SLC9A9: variants seen among roughly 807,000 people sequenced by gnomAD.
The protein encoded by SLC9A9 is solute carrier family 9 member A9, also known as sodium/hydrogen exchanger 9.
A neutral mutation model predicts 77.8 loss-of-function variants in SLC9A9; 62 were observed. The observed-to-expected ratio is 0.80, with a 90% CI of 0.65 to 0.98. The LOEUF (loss-of-function observed/expected upper bound fraction) is 0.98, where lower values mean the gene tolerates loss of function less well. SLC9A9 is among the 50% of genes least tolerant of loss of function. SLC9A9 has a pLI of 0.00. For missense variants in SLC9A9, 775 were observed against 774.9 expected (o/e 1.00, Z 0.00); for synonymous variants, 320 against 283.5 (o/e 1.13, Z -1.29).
intron 4 of SLC9A9, among the ~76,000 whole-genome samples, chr3:143,709,723 C>T (rs1367383600): frequency 1.3e-5 from 2 of 152,114 alleles, no homozygotes; most frequent in African/African-American, 4.8e-5. Flanking sequence ...TGTTACTGAA[C>T]AGTATGTGAG....
intron 4 of SLC9A9, among the ~76,000 whole-genome samples, chr3:143,768,692 A>G (rs1396563461): frequency 6.6e-6 from 1 of 152,186 alleles, no homozygotes; most frequent in Non-Finnish European, 1.5e-5. Flanking sequence ...AACAAATGAC[A>G]TGGCGTATTA....
At chr3:143,302,142 C>T (rs777867949) in intron 14 of SLC9A9, among the ~76,000 whole-genome samples, 34 of 152,160 alleles carry the variant, frequency 2.2e-4, no homozygotes, top group Non-Finnish European at 4.3e-4. Flanking sequence ...GAATCTTTTG[C>T]AACTCTGGAT....
In SLC9A9 at chr3:143,714,812, G is replaced by T. The variant is rs75132961; in HGVS notation, c.534-21505C>A. On this transcript the variant is annotated intron_variant, in intron 4 of 15. Transcript: ENST00000316549. The stretch of plus-strand genomic sequence containing the variant: ...ACTGGCAAGAGATCAGAGTGGGGAA[G>T]AAGAGTCAGGTTGGGGTATGATATG... Among the ~76,000 whole-genome samples, 1,268 of 152,268 alleles carry T rather than the reference G, an allele frequency of 8.3e-3. 18 individuals are homozygous for T. Among genetic ancestry groups the T allele is most frequent in the African/African-American group, 0.029 (1,221 of 41,564 alleles).
intron 5 of SLC9A9, among the ~76,000 whole-genome samples, chr3:143,692,430 A>T (rs553335587): frequency 6.6e-6 from 1 of 152,288 alleles, no homozygotes; most frequent in African/African-American, 2.4e-5. Context: ...AGAAAATAAT[A>T]TGATTGCTAG....
intron 13 of SLC9A9, among the ~76,000 whole-genome samples, chr3:143,369,920 T>A (rs1025991518): frequency 6.6e-6 from 1 of 152,212 alleles, no homozygotes; most frequent in African/African-American, 2.4e-5. Flanking sequence ...AGGAATTAAG[T>A]ATGCCTGCCA....
At chr3:143,308,194 A>G (rs566300867) in intron 14 of SLC9A9, among the ~76,000 whole-genome samples, 110 of 152,300 alleles carry the variant, frequency 7.2e-4, no homozygotes, top group African/African-American at 2.6e-3. Flanking sequence ...CTAGGCCTCT[A>G]TTGACACGTA....
chr3:143,271,879 GTC>G (rs1937909481), intron 14 of SLC9A9, among the ~76,000 whole-genome samples: 2 of 152,196 alleles, frequency 1.3e-5, no homozygotes, highest in African/African-American at 4.8e-5. Context: ...GTGGAGCTGA[GTC>G]TGTTCTTCAG....
At chr3:143,721,165 G>T (rs749925021) in intron 4 of SLC9A9, among the ~76,000 whole-genome samples, 1 of 152,094 alleles carries the variant, frequency 6.6e-6, no homozygotes, top group Non-Finnish European at 1.5e-5. Flanking sequence ...CTGCAGTGAG[G>T]CGTGGGCAAC....
intron 14 of SLC9A9, among the ~76,000 whole-genome samples, chr3:143,275,175 C>T (rs1408479604): frequency 1.3e-5 from 2 of 152,170 alleles, no homozygotes; most frequent in Non-Finnish European, 2.9e-5. Flanking sequence ...TTGGCTTATA[C>T]TTTGAGCACA....
intron 6 of SLC9A9, among the ~76,000 whole-genome samples, chr3:143,598,971 G>A (rs563388796): frequency 2.0e-5 from 3 of 152,178 alleles, no homozygotes; most frequent in Non-Finnish European, 4.4e-5. Flanking sequence ...TGCTAGCCAA[G>A]CCAGATGCTG....
At chr3:143,715,654 G>A (rs1934324228) in intron 4 of SLC9A9, among the ~76,000 whole-genome samples, 1 of 152,192 alleles carries the variant, frequency 6.6e-6, no homozygotes, top group South Asian at 2.1e-4. Context: ...GTGCTCAGAA[G>A]CTACTTGTCA....
At position 143,801,768 on chromosome 3, in the gene SLC9A9, G is replaced by T. The variant is rs527318003; in HGVS notation, c.379-4865C>A. Among the ~76,000 whole-genome samples the T allele has an allele frequency of 7.9e-5, 12 of 152,180 alleles. No homozygotes were observed. The South Asian group carries it at 2.5e-3, about 32-fold the overall frequency. On this transcript the variant is annotated intron_variant, in intron 2 of 15. Transcript: ENST00000316549. Reference sequence around the variant, plus strand: ...CTACTCCACTACCTCTCAACAAGCCGAACTCATTGCCTTAACTCGGGCCCT... The same window carrying T: ...CTACTCCACTACCTCTCAACAAGCCTAACTCATTGCCTTAACTCGGGCCCT...
intron 9 of SLC9A9, among the ~76,000 whole-genome samples, chr3:143,548,189 G>T (rs1050546010): frequency 6.6e-6 from 1 of 152,186 alleles, no homozygotes; most frequent in Non-Finnish European, 1.5e-5. Flanking sequence ...TAAAAGGGAT[G>T]CTATGGAAGT....
intron 12 of SLC9A9, among the ~76,000 whole-genome samples, chr3:143,433,539 C>T (rs76127627): frequency 6.6e-6 from 1 of 152,146 alleles, no homozygotes; most frequent in Non-Finnish European, 1.5e-5. Flanking sequence ...TTCAATTTCA[C>T]ACTGTCCCTT....
chr3:143,633,361 T>A (rs966081823), intron 6 of SLC9A9, among the ~76,000 whole-genome samples: 7 of 152,322 alleles, frequency 4.6e-5, no homozygotes, highest in Admixed American at 6.5e-5. Context: ...TACTTACATT[T>A]ATATGCATTG....
chr3:143,787,401 C>A (rs773407827), intron 4 of SLC9A9, among the ~76,000 whole-genome samples: 3 of 152,164 alleles, frequency 2.0e-5, no homozygotes, highest in Non-Finnish European at 4.4e-5. Context: ...GCCTCTCCCC[C>A]AGAAATAATC....
At chr3:143,597,840 C>T (rs957511084) in intron 6 of SLC9A9, among the ~76,000 whole-genome samples, 2 of 152,190 alleles carry the variant, frequency 1.3e-5, no homozygotes, top group Non-Finnish European at 2.9e-5. Context: ...GAAGGTATGG[C>T]GCTAAAAGGT....
chr3:143,458,626 G>A (rs2108562325), intron 12 of SLC9A9, among the ~76,000 whole-genome samples: 1 of 152,088 alleles, frequency 6.6e-6, no homozygotes, highest in African/African-American at 2.4e-5. Flanking sequence ...ACAAATTACA[G>A]TATGAGTATA....
At chr3:143,642,896 T>C (rs541491898) in intron 6 of SLC9A9, among the ~76,000 whole-genome samples, 6 of 152,316 alleles carry the variant, frequency 3.9e-5, no homozygotes, top group African/African-American at 1.4e-4. Context: ...TATACCATTC[T>C]TTTCTAATTT....
Sources: allele counts gnomAD v4.1 joint callset (sites outside exome capture counted in the v4.1 genomes callset), GRCh38; gene constraint gnomAD v4.1.1; transcripts MANE v1.5; gene names NCBI Gene and HGNC (gene_info 2026-07-23, HGNC 2026-07-21).